ZNF180: variants seen among roughly 807,000 people sequenced by gnomAD.
The protein encoded by ZNF180 is zinc finger protein 180, also known as zinc finger protein 180 (HHZ168).
A neutral mutation model predicts 11.8 loss-of-function variants in ZNF180; 11 were observed. That is an observed-to-expected ratio of 0.93 (90% CI 0.59 to 1.55). ZNF180 has a LOEUF of 1.55. ZNF180 is among the 40% of genes most tolerant of loss of function. The pLI, the probability that ZNF180 is intolerant of heterozygous loss-of-function variation, is 0.00. For missense variants in ZNF180, 773 were observed against 781.7 expected (o/e 0.99, Z 0.13); for synonymous variants, 287 against 257.7 (o/e 1.11, Z -1.09).
chr19:44,495,584 C>G lies in ZNF180; in HGVS notation c.51+1700G>C, dbSNP rs1322373188. On this transcript the variant is annotated intron_variant, in intron 2 of 4. Transcript: ENST00000592529. The surrounding 1 kb of genome is among the most constrained non-coding windows in gnomAD (Gnocchi z 4.5). ...TCCAACACCCCATCTACCATGGACA[C>G]CTGCTCACTGCACTTGGGCTCCAAC... is the stretch of plus-strand genomic sequence containing the variant. Among the ~76,000 whole-genome samples, 1 of 152,142 alleles carries G rather than the reference C, an allele frequency of 6.6e-6. No individual in the cohort carries two copies. The highest frequency in any genetic ancestry group is 1.5e-5 in the Non-Finnish European group (1 of 68,022).
intron 2 of ZNF180, chr19:44,485,160 CAAAAAAAA>C (rs200848889): frequency 0.37 from 30,737 of 82,202 alleles, 3,753 homozygotes; most frequent in Admixed American, 0.49. Flanking sequence ...GACTCCATCT[CAAAAAAAA>C]AAAAAAAAAA....
intron 2 of ZNF180, among the ~76,000 whole-genome samples, chr19:44,489,955 AAAG>A (rs1166619386): frequency 2.0e-5 from 3 of 147,200 alleles, no homozygotes; most frequent in Non-Finnish European, 4.5e-5. Context: ...GAAAGAGGGA[AAAG>A]AAAGAAAGAA....
At chr19:44,500,094 G>A (rs1183163188) in intron 1 of ZNF180, 181 bp downstream of exon 1, 9 of 1,541,134 alleles carry the variant, frequency 5.8e-6, no homozygotes, top group Admixed American at 1.7e-5. Flanking sequence ...TGCACGCAGA[G>A]GACAGTCGCG....
intron 2 of ZNF180, among the ~76,000 whole-genome samples, chr19:44,489,500 C>A (rs1432952632): frequency 8.3e-6 from 1 of 120,936 alleles, no homozygotes; most frequent in Non-Finnish European, 1.8e-5. Context: ...GGATTAAGGG[C>A]GGTGCAAGAT....
chr19:44,482,961 T>G (rs1469326809), intron 3 of ZNF180, among the ~76,000 whole-genome samples: 4 of 152,240 alleles, frequency 2.6e-5, no homozygotes, highest in Non-Finnish European at 5.9e-5. Flanking sequence ...AACCCAAGTC[T>G]CATATTCTGA....
In ZNF180 at chr19:44,478,065, A is replaced by G. The variant is rs1294515119; in HGVS notation, c.335T>C (p.Ile112Thr). 1 of 1,613,130 alleles carries G rather than the reference A, an allele frequency of 6.2e-7. No homozygotes were observed. The highest frequency in any genetic ancestry group is 1.7e-5 in the Admixed American group (1 of 59,996). ...AGGATCATCCCTTGTAAACCTTTCTATCTTCACTCCATTAGCTGGTTCTTC... is the reference window on the plus strand; with the variant it reads ...AGGATCATCCCTTGTAAACCTTTCTGTCTTCACTCCATTAGCTGGTTCTTC... Reference protein sequence around the residue: ...FDEEPANGVKIERFTRDDPWL... With the variant: ...FDEEPANGVKTERFTRDDPWL... Residue 112 changes from isoleucine (I) to threonine (T), a missense_variant, in exon 5 of 5, where the codon ATA (isoleucine) becomes ACA (threonine). By Grantham distance (89) the Ile-to-Thr change is moderately conservative. Transcript: ENST00000592529.
chr19:44,481,563 C>T (rs928952318), intron 3 of ZNF180, among the ~76,000 whole-genome samples: 1 of 152,102 alleles, frequency 6.6e-6, no homozygotes, highest in African/African-American at 2.4e-5. Context: ...CACTCCACTC[C>T]CAACTATATA....
At chr19:44,488,985 C>T (rs1255540629) in intron 2 of ZNF180, among the ~76,000 whole-genome samples, 5 of 149,760 alleles carry the variant, frequency 3.3e-5, no homozygotes, top group Admixed American at 6.6e-5. Flanking sequence ...GGAGCCCCTC[C>T]GCCCGGCAGC....
At position 44,476,194 on chromosome 19, in the gene ZNF180, G is replaced by C. The variant is rs1205641973; in HGVS notation, c.*208C>G. On this transcript the variant is annotated 3_prime_UTR_variant, in exon 5 of 5. Coordinates refer to ENST00000592529, the MANE Select transcript of ZNF180 (RefSeq NM_001278509.3). Reference sequence around the variant, plus strand: ...TGTCATAAGAATCAAGTTTAACATTGTATATGGAATTGCCAGGTTGAAAAG... The same window carrying C: ...TGTCATAAGAATCAAGTTTAACATTCTATATGGAATTGCCAGGTTGAAAAG... 1 of 479,486 alleles carries C rather than the reference G, an allele frequency of 2.1e-6. No homozygotes were observed. Among genetic ancestry groups the C allele is most frequent in the African/African-American group, 2.0e-5 (1 of 50,426 alleles). 29.7% of individuals were successfully genotyped at this position (479,486 alleles called of 1,614,324 possible).
chr19:44,492,792 C>T (rs1356918573), intron 2 of ZNF180, among the ~76,000 whole-genome samples: 1 of 152,092 alleles, frequency 6.6e-6, no homozygotes, highest in African/African-American at 2.4e-5. Context: ...GGTCTACTGG[C>T]AGGAAACCCT....
At chr19:44,489,074 C>A (rs1254703613) in intron 2 of ZNF180, among the ~76,000 whole-genome samples, 2 of 130,708 alleles carry the variant, frequency 1.5e-5, no homozygotes, top group African/African-American at 5.3e-5. Context: ...AGCCCCCGCC[C>A]GGCCAGCCGC....
chr19:44,481,588 T>C (rs983083347), intron 3 of ZNF180, among the ~76,000 whole-genome samples: 5 of 152,222 alleles, frequency 3.3e-5, no homozygotes, highest in African/African-American at 9.6e-5. Flanking sequence ...CAAAGTTCCA[T>C]GGACTTCTAT....
At chr19:44,489,273 A>G (rs1368780859) in intron 2 of ZNF180, among the ~76,000 whole-genome samples, 3 of 140,430 alleles carry the variant, frequency 2.1e-5, no homozygotes, top group Non-Finnish European at 3.2e-5. Flanking sequence ...CCATGATGAC[A>G]ATGGCGGTTT....
intron 2 of ZNF180, among the ~76,000 whole-genome samples, chr19:44,488,295 C>T (rs1297906046): frequency 3.3e-5 from 5 of 150,248 alleles, no homozygotes; most frequent in Admixed American, 6.6e-5. Flanking sequence ...TCTCTTTCCA[C>T]GGTCTCCCTC....
At chr19:44,485,678 T>G (rs1050001780) in intron 2 of ZNF180, among the ~76,000 whole-genome samples, 7 of 152,220 alleles carry the variant, frequency 4.6e-5, no homozygotes, top group Admixed American at 4.6e-4. Flanking sequence ...GGCTATATAT[T>G]AAATATCTGT....
At chr19:44,488,128 T>C (rs1555735724) in intron 2 of ZNF180, among the ~76,000 whole-genome samples, 1,986 of 31,790 alleles carry the variant, frequency 0.062, 106 homozygotes, top group African/African-American at 0.16. Context: ...CTCCCTCTCC[T>C]TCTCTTTCCA....
intron 3 of ZNF180, among the ~76,000 whole-genome samples, chr19:44,484,039 G>T (rs559496733): frequency 6.7e-6 from 1 of 149,018 alleles, no homozygotes; most frequent in East Asian, 2.0e-4. Context: ...CTGTCGCCCA[G>T]GCTGAAGTGC....
chr19:44,498,927 G>T (rs753144752), intron 1 of ZNF180, among the ~76,000 whole-genome samples: 1 of 152,072 alleles, frequency 6.6e-6, no homozygotes, highest in Non-Finnish European at 1.5e-5. Flanking sequence ...CACAGAGCAG[G>T]TTCGTGCTCA....
Position 44,500,509 on chromosome 19 carries a change from A to C in ZNF180, c.-278T>G. 1.9e-6 allele frequency: 1 copy of C among 529,356 alleles called. No homozygotes were observed. The highest frequency in any genetic ancestry group is 3.2e-5 in the East Asian group (1 of 31,604). The allele number at this position is 529,356 out of a possible 1,614,324, so 32.8% of individuals were successfully genotyped here. ...ACAGCAAGCGTCCGCGCGCGGGACA[A>C]TGGCTGCTCTTGTGGCCGAACCCGG... On this transcript the variant is annotated 5_prime_UTR_variant, in exon 1 of 5. Transcript: ENST00000592529.
Sources: allele counts gnomAD v4.1 joint callset (sites outside exome capture counted in the v4.1 genomes callset), GRCh38; gene constraint gnomAD v4.1.1; non-coding constraint Gnocchi (gnomAD v3.1); transcripts MANE v1.5; gene names NCBI Gene and HGNC (gene_info 2026-07-23, HGNC 2026-07-21).